The following AP1AR variants were observed in gnomAD, a reference collection of about 807,000 sequenced individuals.
AP1AR encodes the protein AP-1 complex-associated regulatory protein.
Under a neutral mutation model 46.3 loss-of-function variants are expected in AP1AR, and 29 were observed. The observed-to-expected ratio is 0.63, with a 90% CI of 0.47 to 0.85. AP1AR has a LOEUF of 0.85. AP1AR is among the 40% of genes least tolerant of loss of function. The probability of loss-of-function intolerance (pLI) is 0.00; values close to 1 mark genes in which losing one functional copy is unlikely to be tolerated. For missense variants in AP1AR, 357 were observed against 356.3 expected, an observed-to-expected ratio of 1.00 and a Z score of -0.02; for synonymous variants, 122 against 122.9, an observed-to-expected ratio of 0.99 and a Z score of 0.05.
intron 5 of AP1AR, among the ~76,000 whole-genome samples, chr4:112,262,550 A>G (rs554920977): frequency 1.3e-5 from 2 of 152,360 alleles, no homozygotes; most frequent in Admixed American, 1.3e-4. Context: ...ATGTGCATTG[A>G]TGTTAATTAG....
chr4:112,271,698 A>G lies in AP1AR; in HGVS notation c.*3289A>G, dbSNP rs1279977054. Among the ~76,000 whole-genome samples, 1 of 152,112 alleles carries G rather than the reference A, an allele frequency of 6.6e-6. No homozygotes were observed. The highest frequency in any genetic ancestry group is 1.9e-4 in the East Asian group (1 of 5,202). On this transcript the variant is annotated 3_prime_UTR_variant, in exon 10 of 10. Coordinates refer to ENST00000274000, the MANE Select transcript of AP1AR (RefSeq NM_018569.6). ...GGTTTGGGAAAGTGGGGAAAATGAA[A>G]GAGTTCTATTTGAAAAGTTAACTTT...
intron 1 of AP1AR, 27 bp downstream of exon 1, chr4:112,232,201 C>T (rs1187371676): frequency 2.4e-6 from 3 of 1,263,180 alleles, no homozygotes; most frequent in Non-Finnish European, 3.0e-6. Flanking sequence ...AGGGGCCCGG[C>T]CCCCGTGGCT....
At chr4:112,256,347 T>G (rs367670902) in intron 3 of AP1AR, among the ~76,000 whole-genome samples, 1 of 152,220 alleles carries the variant, frequency 6.6e-6, no homozygotes, top group East Asian at 1.9e-4. Context: ...GTCTTTCTCT[T>G]AAAAAGTTTA....
chr4:112,241,200 A>G (rs1371853406), intron 1 of AP1AR, among the ~76,000 whole-genome samples: 4 of 152,224 alleles, frequency 2.6e-5, no homozygotes, highest in African/African-American at 9.6e-5. Flanking sequence ...TGTCTTTATT[A>G]GGAAGAAGCT....
chr4:112,247,932 A>G (rs925143727), intron 1 of AP1AR, among the ~76,000 whole-genome samples: 6 of 152,246 alleles, frequency 3.9e-5, no homozygotes, highest in Non-Finnish European at 7.3e-5. Flanking sequence ...TTAGGCTGAC[A>G]TAAATATCCT....
At chr4:112,255,201 C>T (rs546990751) in intron 3 of AP1AR, among the ~76,000 whole-genome samples, 19 of 152,174 alleles carry the variant, frequency 1.2e-4, no homozygotes, top group Middle Eastern at 6.8e-3. Context: ...CCTCGTGATC[C>T]GCCAGCCTCG....
At chr4:112,235,316 A>G (rs145118916) in intron 1 of AP1AR, among the ~76,000 whole-genome samples, 1 of 152,262 alleles carries the variant, frequency 6.6e-6, no homozygotes, top group African/African-American at 2.4e-5. Context: ...TTTAATTCCT[A>G]TTTCTATATT....
intron 1 of AP1AR, among the ~76,000 whole-genome samples, chr4:112,244,004 A>T (rs1725616963): frequency 6.6e-6 from 1 of 152,174 alleles, no homozygotes; most frequent in Non-Finnish European, 1.5e-5. Context: ...TTTTGTCAAA[A>T]CTTTATTGTA....
intron 6 of AP1AR, among the ~76,000 whole-genome samples, chr4:112,263,905 T>C (rs1301043420): frequency 6.6e-6 from 1 of 152,208 alleles, no homozygotes; most frequent in Non-Finnish European, 1.5e-5. Context: ...GCTGGTATCC[T>C]TAATATCTTC....
chr4:112,265,733 G>T lies in AP1AR; in HGVS notation c.441-1G>T. 1 of 1,607,394 alleles carries T rather than the reference G, an allele frequency of 6.2e-7. No homozygotes were observed. On this transcript the variant is annotated splice_acceptor_variant, in intron 7 of 9. Transcript: ENST00000274000. LOFTEE classifies it high-confidence loss of function. The stretch of plus-strand genomic sequence containing the variant: ...AAAAAATTATTTCACTTTTATTACA[G>T]TTCAGGACCAGAAGATGACTTCGAA...
At chr4:112,246,886 T>G (rs1340660436) in intron 1 of AP1AR, among the ~76,000 whole-genome samples, 2 of 152,204 alleles carry the variant, frequency 1.3e-5, no homozygotes, top group Admixed American at 6.5e-5. Flanking sequence ...CTTTCTCTAT[T>G]TTGTATTCTT....
intron 1 of AP1AR, among the ~76,000 whole-genome samples, chr4:112,249,293 AAAAAT>A: frequency 6.6e-6 from 1 of 151,132 alleles, no homozygotes; most frequent in African/African-American, 2.4e-5. Flanking sequence ...CTCTGTCTCC[AAAAAT>A]AAAATAAAAT....
At chr4:112,234,326 G>T (rs1189200158) in intron 1 of AP1AR, among the ~76,000 whole-genome samples, 1 of 152,194 alleles carries the variant, frequency 6.6e-6, no homozygotes, top group African/African-American at 2.4e-5. Flanking sequence ...AAAAGTTTCA[G>T]ATTTTGGAAC....
chr4:112,266,020 C>G (rs1476830939), intron 8 of AP1AR, among the ~76,000 whole-genome samples: 1 of 151,624 alleles, frequency 6.6e-6, no homozygotes, highest in Non-Finnish European at 1.5e-5. Context: ...TTCTGTAGAT[C>G]CATATAGGAA....
chr4:112,248,774 T>C (rs985743131), intron 1 of AP1AR, among the ~76,000 whole-genome samples: 6 of 152,200 alleles, frequency 3.9e-5, no homozygotes, highest in African/African-American at 1.4e-4. Context: ...ACCCTGGCTA[T>C]CTCTCAGACC....
intron 5 of AP1AR, 134 bp downstream of exon 5, chr4:112,260,996 A>C (rs1726419102): frequency 2.1e-6 from 1 of 483,992 alleles, no homozygotes; most frequent in Non-Finnish European, 3.4e-6. Flanking sequence ...GTTAAAAAAA[A>C]TCATTCCAGC....
chr4:112,252,904 A>T (rs1472301656), intron 1 of AP1AR, among the ~76,000 whole-genome samples: 1 of 152,228 alleles, frequency 6.6e-6, no homozygotes, highest in Non-Finnish European at 1.5e-5. Flanking sequence ...AGTAAAAATA[A>T]TGAGATACAT....
intron 2 of AP1AR, among the ~76,000 whole-genome samples, chr4:112,254,101 C>T (rs1726081167): frequency 6.6e-6 from 1 of 152,114 alleles, no homozygotes; most frequent in Non-Finnish European, 1.5e-5. Context: ...CCTTTTATTT[C>T]AGGTGGTTAC....
Position 112,232,185 on chromosome 4 carries a change from T to TGGGGGA in AP1AR, c.83+16_83+21dup. 1 of 1,270,674 alleles carries TGGGGGA rather than the reference T, an allele frequency of 7.9e-7. No individual in the cohort carries two copies. The highest frequency in any genetic ancestry group is 1.0e-6 in the Non-Finnish European group (1 of 1,000,382). 78.7% of individuals were successfully genotyped at this position (1,270,674 alleles called of 1,614,324 possible). ...AGGCGGCGGCGGAGGGTAAGCCCGC[T>TGGGGGA]GGGGGAGGGGCCCGGCCCCCGTGGC... On this transcript the variant is annotated intron_variant, in intron 1 of 9. Coordinates refer to ENST00000274000, the MANE Select transcript of AP1AR (RefSeq NM_018569.6).
Sources: gnomAD v4.1 joint callset for allele counts (sites outside exome capture counted in the v4.1 genomes callset) on GRCh38, gnomAD v4.1.1 for gene constraint, MANE v1.5 for transcripts, NCBI Gene and HGNC (gene_info 2026-07-23, HGNC 2026-07-21) for gene names.